Variants in RAPGEF4 observed in about 807,000 individuals in gnomAD.
RAPGEF4 encodes Rap guanine nucleotide exchange factor 4, also known as RAP guanine-nucleotide-exchange factor (GEF) 4.
A neutral mutation model predicts 147.9 loss-of-function variants in RAPGEF4; 66 were observed. That is an observed-to-expected ratio of 0.45 (90% CI 0.37 to 0.55). The LOEUF is 0.55. RAPGEF4 is among the 20% of genes least tolerant of loss of function. The pLI, the probability that RAPGEF4 is intolerant of heterozygous loss-of-function variation, is 0.00. For missense variants in RAPGEF4, 1,071 were observed against 1,257.3 expected (o/e 0.85, Z 2.24); for synonymous variants, 419 against 442.7 (o/e 0.95, Z 0.67).
At chr2:172,908,393 C>G (rs1434344401) in intron 4 of RAPGEF4, among the ~76,000 whole-genome samples, 1 of 152,232 alleles carries the variant, frequency 6.6e-6, no homozygotes, top group Non-Finnish European at 1.5e-5. Flanking sequence ...CAGCACTGCA[C>G]TGTGATGCAT....
At chr2:172,953,305 A>T (rs1378697690) in intron 6 of RAPGEF4, among the ~76,000 whole-genome samples, 3 of 147,670 alleles carry the variant, frequency 2.0e-5, no homozygotes, top group African/African-American at 7.4e-5. Flanking sequence ...TTCTATATAT[A>T]TAATAGTTCT....
intron 17 of RAPGEF4, among the ~76,000 whole-genome samples, chr2:173,007,241 C>T (rs1694573519): frequency 6.6e-6 from 1 of 152,148 alleles, no homozygotes; most frequent in Admixed American, 6.5e-5. Context: ...TGGCTTGAGA[C>T]TTAAAAGGAG....
intron 4 of RAPGEF4, among the ~76,000 whole-genome samples, chr2:172,851,629 A>T (rs969933258): frequency 2.0e-5 from 3 of 152,236 alleles, no homozygotes; most frequent in Non-Finnish European, 4.4e-5. Context: ...AAAGAATGAG[A>T]TAGTGTTCTT....
At chr2:172,823,946 C>CTT (rs1689385173) in intron 4 of RAPGEF4, among the ~76,000 whole-genome samples, 1 of 152,200 alleles carries the variant, frequency 6.6e-6, no homozygotes, top group African/African-American at 2.4e-5. Flanking sequence ...GATACCTTTA[C>CTT]TTAAATCCTG....
intron 1 of RAPGEF4, among the ~76,000 whole-genome samples, chr2:172,777,582 C>G (rs933528183): frequency 1.3e-5 from 2 of 151,808 alleles, no homozygotes; most frequent in African/African-American, 4.8e-5. Flanking sequence ...TTAAGAAGAC[C>G]CCCCCCATGC....
At chr2:172,993,358 A>C (rs879748086) in intron 15 of RAPGEF4, among the ~76,000 whole-genome samples, 1 of 152,146 alleles carries the variant, frequency 6.6e-6, no homozygotes. Flanking sequence ...TGTTGCTTTT[A>C]TCTTAGACTG....
chr2:172,870,689 T>C (rs1383070123), intron 4 of RAPGEF4, among the ~76,000 whole-genome samples: 1 of 152,206 alleles, frequency 6.6e-6, no homozygotes, highest in Non-Finnish European at 1.5e-5. Flanking sequence ...ACGAGAGATA[T>C]GCTGCTGTGT....
At chr2:172,853,159 G>T (rs1345707260) in intron 4 of RAPGEF4, among the ~76,000 whole-genome samples, 1 of 151,912 alleles carries the variant, frequency 6.6e-6, no homozygotes, top group Non-Finnish European at 1.5e-5. Flanking sequence ...TTCATAAAAT[G>T]GTTGGGGATT....
chr2:172,819,934 T>C (rs1056765504), intron 4 of RAPGEF4, among the ~76,000 whole-genome samples: 1 of 152,176 alleles, frequency 6.6e-6, no homozygotes, highest in African/African-American at 2.4e-5. Context: ...TATTTTATGA[T>C]TGATAGTAGC....
At chr2:173,036,799 A>T in intron 29 of RAPGEF4, 107 bp downstream of exon 29, 1 of 697,724 alleles carries the variant, frequency 1.4e-6, no homozygotes, top group Non-Finnish European at 2.3e-6. Context: ...CTAAAAAGGT[A>T]GTTACACATA....
chr2:172,984,418 C>T (rs377531403), intron 11 of RAPGEF4, among the ~76,000 whole-genome samples: 1 of 152,288 alleles, frequency 6.6e-6, no homozygotes, highest in African/African-American at 2.4e-5. Flanking sequence ...TTGAGAGCAG[C>T]GAGGCATTTG....
chr2:172,869,452 A>G (rs1403572580), intron 4 of RAPGEF4, among the ~76,000 whole-genome samples: 5 of 152,238 alleles, frequency 3.3e-5, no homozygotes, highest in African/African-American at 4.8e-5. Context: ...TAGAAAGCAC[A>G]GGAAGTCCAA....
intron 6 of RAPGEF4, chr2:172,928,379 A>G (rs1685587743): frequency 2.9e-6 from 1 of 350,034 alleles, no homozygotes; most frequent in Non-Finnish European, 5.6e-6. Flanking sequence ...AATGACGTGT[A>G]GTTGTCATCC....
rs577161796 is a variant in RAPGEF4 at position 172,915,652 on chromosome 2, C to T, written c.445-2150C>T. Among the ~76,000 whole-genome samples the T allele has an allele frequency of 1.3e-3, 186 of 139,392 alleles. 1 individual carries two copies. Among genetic ancestry groups the T allele is most frequent in the African/African-American group, 4.7e-3 (173 of 37,146 alleles). 91.4% of individuals were successfully genotyped at this position (139,392 alleles called of 152,430 possible). A position where few individuals can be genotyped will look rare whatever the true frequency, so the allele number is the denominator to read the frequency against. ...TGGGAAGGCAGAGGTTGCAGTGAGC[C>T]GAGATTGCTCGACTGCACTCCAGCC... On this transcript the variant is annotated intron_variant, in intron 4 of 30. Transcript: ENST00000397081.
At position 172,814,923 on chromosome 2, in the gene RAPGEF4, T is replaced by G. The variant is rs188108503; in HGVS notation, c.444+498T>G. Among the ~76,000 whole-genome samples the G allele has an allele frequency of 2.0e-5, 3 of 152,364 alleles. No individual in the cohort carries two copies. In the East Asian group the frequency reaches 5.8e-4, roughly 29 times the overall value. On this transcript the variant is annotated intron_variant, in intron 4 of 30. Coordinates refer to ENST00000397081, the MANE Select transcript of RAPGEF4 (RefSeq NM_007023.4). The stretch of plus-strand genomic sequence containing the variant: ...GTCTGGTTACTTGCCAACTTCAAAA[T>G]GCATAGGTGGCACAGCAGTGAATGG...
At chr2:173,031,177 T>G (rs536432848) in intron 26 of RAPGEF4, among the ~76,000 whole-genome samples, 39 of 152,212 alleles carry the variant, frequency 2.6e-4, no homozygotes, top group Non-Finnish European at 5.0e-4. Flanking sequence ...CCGTCCCTCC[T>G]AAATGTTTCC....
At position 173,035,974 on chromosome 2, in the gene RAPGEF4, G is replaced by A. The variant is rs1183653545; in HGVS notation, c.2701-151G>A. The stretch of plus-strand genomic sequence containing the variant: ...CAGGGATGGCAGAGGCAGAAGAAAA[G>A]CCATGTATAAGTGACCCACACAATT... On this transcript the variant is annotated intron_variant, in intron 27 of 30. Coordinates refer to ENST00000397081, the MANE Select transcript of RAPGEF4 (RefSeq NM_007023.4). 1.4e-4 allele frequency: 86 copies of A among 600,896 alleles called. No homozygotes were observed. The East Asian group carries it at 2.4e-3, about 17-fold the overall frequency. 37.2% of individuals were successfully genotyped at this position (600,896 alleles called of 1,614,324 possible).
intron 1 of RAPGEF4, among the ~76,000 whole-genome samples, chr2:172,792,229 C>T (rs1159351212): frequency 6.6e-6 from 1 of 152,222 alleles, no homozygotes; most frequent in African/African-American, 2.4e-5. Flanking sequence ...CTTGCTGCCC[C>T]CCAGACACAC....
rs11397728 is a variant in RAPGEF4 at position 173,001,993 on chromosome 2, CAAAA to C, written c.1658+668_1658+671del. On this transcript the variant is annotated intron_variant, in intron 17 of 30. Coordinates refer to ENST00000397081, the MANE Select transcript of RAPGEF4 (RefSeq NM_007023.4). ...GCTTACCACAGGAAGGTGATGCTGG[CAAAA>C]AAAAAAAAAAAAAAAAAATCCATTG... 6.4e-4 allele frequency among the ~76,000 whole-genome samples: 51 copies of C among 79,306 alleles called. 6 individuals are homozygous for C. The highest frequency in any genetic ancestry group is 6.2e-3 in the Admixed American group (37 of 5,970). The allele number at this position is 79,306 out of a possible 152,430, so 52.0% of individuals were successfully genotyped here. A position where few individuals can be genotyped will look rare whatever the true frequency, so the allele number is the denominator to read the frequency against.
Sources: gnomAD v4.1 joint callset for allele counts (sites outside exome capture counted in the v4.1 genomes callset) on GRCh38, gnomAD v4.1.1 for gene constraint, MANE v1.5 for transcripts, NCBI Gene and HGNC (gene_info 2026-07-23, HGNC 2026-07-21) for gene names.